Variants in FMN1 observed in about 807,000 individuals in gnomAD.
FMN1 encodes the protein formin-1.
A neutral mutation model predicts 132.4 loss-of-function variants in FMN1; 110 were observed. The ratio of observed to expected loss-of-function variants is 0.83; its 90% CI spans 0.71 to 0.97. The LOEUF is 0.97. Among genes scored for constraint, FMN1 ranks in the 50% least tolerant of loss-of-function variants. FMN1 has a pLI of 0.00. For missense variants in FMN1, 1,792 were observed against 1,705.3 expected (o/e 1.05, Z -0.90); for synonymous variants, 722 against 651.7 (o/e 1.11, Z -1.64).
At chr15:33,128,617 G>A (rs1020336306) in intron 4 of FMN1, among the ~76,000 whole-genome samples, 1 of 152,138 alleles carries the variant, frequency 6.6e-6, no homozygotes, top group Non-Finnish European at 1.5e-5. Context: ...GCGGACCTTT[G>A]CGGCAAGTGT....
At chr15:32,922,906 G>A (rs1161809993) in intron 10 of FMN1, among the ~76,000 whole-genome samples, 1 of 152,210 alleles carries the variant, frequency 6.6e-6, no homozygotes, top group Non-Finnish European at 1.5e-5. Context: ...GAAACAGAGT[G>A]ATGGAAATGA....
chr15:32,903,296 G>A (rs563821869), intron 12 of FMN1, among the ~76,000 whole-genome samples: 2 of 152,254 alleles, frequency 1.3e-5, no homozygotes, highest in South Asian at 4.2e-4. Context: ...GAAATTCATA[G>A]GAATTCTGCA....
At chr15:32,792,725 C>G (rs2057132608) in intron 19 of FMN1, among the ~76,000 whole-genome samples, 2 of 152,096 alleles carry the variant, frequency 1.3e-5, no homozygotes, top group Non-Finnish European at 2.9e-5. Flanking sequence ...CACCTTCCAG[C>G]TCATGCTATT....
chr15:32,949,534 C>T (rs984994070), intron 9 of FMN1, among the ~76,000 whole-genome samples: 3 of 151,960 alleles, frequency 2.0e-5, no homozygotes, highest in African/African-American at 4.8e-5. Context: ...TTTTTCCTTA[C>T]ACCATATACA....
At chr15:32,948,667 G>A (rs7162402) in intron 9 of FMN1, among the ~76,000 whole-genome samples, 3,747 of 151,780 alleles carry the variant, frequency 0.025, 67 homozygotes, top group Non-Finnish European at 0.034. Context: ...TTTGTTCATG[G>A]TATTGTATTA....
Position 33,067,359 on chromosome 15 carries a change from G to A in FMN1, c.2044-2285C>T, listed in dbSNP as rs1367518909. On this transcript the variant is annotated intron_variant, in intron 5 of 20. Transcript: ENST00000616417. ...GGGTTTTCTTTGGACTCCTGAGATG[G>A]CTCAGATAAAACACCACTAGGGGAC... The A allele has an allele frequency of 3.1e-6, 5 of 1,613,918 alleles. No homozygotes were observed. In the Admixed American group the frequency reaches 6.7e-5, roughly 22 times the overall value.
intron 7 of FMN1, chr15:32,970,610 A>C (rs2031699467): frequency 6.6e-6 from 1 of 152,270 alleles, no homozygotes; most frequent in Admixed American, 6.5e-5. Context: ...TAGAACACCT[A>C]AAGCATGCAC....
At chr15:32,774,598 A>G (rs2056355156) in intron 20 of FMN1, among the ~76,000 whole-genome samples, 1 of 152,120 alleles carries the variant, frequency 6.6e-6, no homozygotes, top group Non-Finnish European at 1.5e-5. Flanking sequence ...ACATCCATCT[A>G]AAACACGGGC....
intron 7 of FMN1, among the ~76,000 whole-genome samples, chr15:33,001,017 T>G (rs2034070753): frequency 6.6e-6 from 1 of 152,190 alleles, no homozygotes; most frequent in African/African-American, 2.4e-5. Context: ...GCACAGTGGC[T>G]CATGCCTGTA....
At chr15:32,986,811 A>G (rs902866335) in intron 7 of FMN1, among the ~76,000 whole-genome samples, 11 of 152,098 alleles carry the variant, frequency 7.2e-5, no homozygotes, top group African/African-American at 2.2e-4. Flanking sequence ...AGATTATACT[A>G]TATTACTTTT....
chr15:33,033,941 T>C (rs1445758062), intron 6 of FMN1, among the ~76,000 whole-genome samples: 5 of 152,238 alleles, frequency 3.3e-5, no homozygotes, highest in African/African-American at 1.2e-4. Flanking sequence ...TTAGTTCTCC[T>C]CCTGCCTCAC....
chr15:33,117,461 A>G lies in FMN1; in HGVS notation c.1868-28487T>C, dbSNP rs572563567. On this transcript the variant is annotated intron_variant, in intron 4 of 20. Transcript: ENST00000616417. ...TCATTTCTCGGCGTTTTCTTATTTA[A>G]CTGGCATATGCTCTTGAACATCTTT... Among the ~76,000 whole-genome samples the G allele has an allele frequency of 3.3e-5, 5 of 152,336 alleles. No homozygotes were observed. In the East Asian group the frequency reaches 9.6e-4, roughly 29 times the overall value.
intron 7 of FMN1, among the ~76,000 whole-genome samples, chr15:32,991,979 T>C (rs2033462487): frequency 6.6e-6 from 1 of 152,222 alleles, no homozygotes; most frequent in African/African-American, 2.4e-5. Flanking sequence ...TTGATGAGTT[T>C]TTACCATGAA....
intron 16 of FMN1, among the ~76,000 whole-genome samples, chr15:32,876,933 T>A (rs2059650581): frequency 7.0e-6 from 1 of 143,688 alleles, no homozygotes. Flanking sequence ...TGATTCCCAA[T>A]TTTGGCCAAT....
intron 3 of FMN1, among the ~76,000 whole-genome samples, chr15:33,155,649 G>A (rs943259889): frequency 2.0e-5 from 3 of 152,132 alleles, no homozygotes; most frequent in Admixed American, 1.3e-4. Context: ...TCTTAATCAA[G>A]TTTTGCTGTT....
intron 2 of FMN1, among the ~76,000 whole-genome samples, chr15:33,187,403 G>C (rs1965923883): frequency 6.6e-6 from 1 of 152,158 alleles, no homozygotes; most frequent in Admixed American, 6.5e-5. Flanking sequence ...CCTGAAAAAA[G>C]AATTATCTCC....
In FMN1 at chr15:33,155,028, C is replaced by A. The variant is rs1964615855; in HGVS notation, c.-114G>T. The stretch of plus-strand genomic sequence containing the variant: ...TGCAGAGAAAGCAGCTGACAGTCAT[C>A]TCCAGCAATGAGACTGCCTGTTAGA... On this transcript the variant is annotated 5_prime_UTR_variant, in exon 4 of 21. Coordinates refer to ENST00000616417, the MANE Select transcript of FMN1 (RefSeq NM_001277313.2). 1 of 791,140 alleles carries A rather than the reference C, an allele frequency of 1.3e-6. No homozygotes were observed. The highest frequency in any genetic ancestry group is 2.9e-5 in the Admixed American group (1 of 34,538). The allele number at this position is 791,140 out of a possible 1,614,324, so 49.0% of individuals were successfully genotyped here.
At chr15:33,078,802 G>C (rs1051764674) in intron 5 of FMN1, among the ~76,000 whole-genome samples, 2 of 152,172 alleles carry the variant, frequency 1.3e-5, no homozygotes, top group African/African-American at 4.8e-5. Context: ...ATCCTGGAGA[G>C]AGAGAGGAAA....
chr15:32,854,287 A>G (rs1409656913), intron 17 of FMN1, among the ~76,000 whole-genome samples: 3 of 152,204 alleles, frequency 2.0e-5, no homozygotes, highest in Non-Finnish European at 4.4e-5. Flanking sequence ...CAAAAGCCAC[A>G]TGTGGCTAGT....
Sources: allele counts gnomAD v4.1 joint callset (sites outside exome capture counted in the v4.1 genomes callset), GRCh38; gene constraint gnomAD v4.1.1; transcripts MANE v1.5; gene names NCBI Gene and HGNC (gene_info 2026-07-23, HGNC 2026-07-21).